LTBP1: variants seen among roughly 807,000 people sequenced by gnomAD.
LTBP1 encodes the protein latent transforming growth factor beta binding protein 1.
Under a neutral mutation model 207.6 loss-of-function variants are expected in LTBP1, and 129 were observed. The ratio of observed to expected loss-of-function variants is 0.62; its 90% CI spans 0.54 to 0.72. The LOEUF (loss-of-function observed/expected upper bound fraction) is 0.72. Ranked by LOEUF, LTBP1 falls within the 30% of genes least tolerant of loss-of-function variation. LTBP1 has a pLI of 0.00. For missense variants in LTBP1, 2,281 were observed against 2,217.2 expected (o/e 1.03, Z -0.58); for synonymous variants, 963 against 833.7 (o/e 1.16, Z -2.67).
rs11686962 is a variant in LTBP1 at position 33,257,519 on chromosome 2, C to T, written c.2395+8C>T. 149,013 of 1,608,082 alleles carry T rather than the reference C, an allele frequency of 0.093. 8,162 individuals are homozygous for T. The highest frequency in any genetic ancestry group is 0.24 in the African/African-American group (18,219 of 74,904). ...GAGTGGCGGAGCCAGAAGGTGAGAG[C>T]GGTAATGGATCATGGACTCTAGACA... On this transcript the variant is annotated splice_region_variant and intron_variant, in intron 12 of 33. Coordinates refer to ENST00000404816, the MANE Select transcript of LTBP1 (RefSeq NM_206943.4).
intron 32 of LTBP1, among the ~76,000 whole-genome samples, chr2:33,393,291 T>C (rs2095331830): frequency 6.7e-5 from 10 of 149,832 alleles, no homozygotes; most frequent in Admixed American, 6.7e-4. Flanking sequence ...AAGTTCTTTT[T>C]TTAAATTTTT....
chr2:33,250,029 C>T (rs963855373), intron 10 of LTBP1, among the ~76,000 whole-genome samples: 9 of 152,142 alleles, frequency 5.9e-5, no homozygotes, highest in Admixed American at 5.9e-4. Flanking sequence ...ATCTTCCAGT[C>T]TGAGGTTAAA....
At position 33,065,870 on chromosome 2, in the gene LTBP1, G is replaced by A. The variant is rs535320639; in HGVS notation, c.863+44664G>A. 2.2e-4 allele frequency among the ~76,000 whole-genome samples: 34 copies of A among 152,134 alleles called. No individual in the cohort carries two copies. In the East Asian group the frequency reaches 5.4e-3, roughly 24 times the overall value. On this transcript the variant is annotated intron_variant, in intron 3 of 33. Coordinates refer to ENST00000404816, the MANE Select transcript of LTBP1 (RefSeq NM_206943.4). ...GAAAGTTTTTGAAAAAATTCACTTC[G>A]CTAGATATAGGATTATTTATATTTT... is the stretch of plus-strand genomic sequence containing the variant.
At chr2:33,072,148 G>A (rs1449697948) in intron 3 of LTBP1, among the ~76,000 whole-genome samples, 1 of 152,140 alleles carries the variant, frequency 6.6e-6, no homozygotes, top group African/African-American at 2.4e-5. Flanking sequence ...TTGCTAGAGC[G>A]GCTCACAGAA....
chr2:33,000,148 T>C (rs1474808624), intron 2 of LTBP1, among the ~76,000 whole-genome samples: 3 of 135,512 alleles, frequency 2.2e-5, no homozygotes, highest in African/African-American at 7.7e-5. Context: ...GTGATCTGGC[T>C]GATTCTCAGA....
At chr2:33,363,266 G>T (rs1335625168) in intron 28 of LTBP1, 124 bp from the exon 29 acceptor site, 3 of 929,988 alleles carry the variant, frequency 3.2e-6, no homozygotes, top group African/African-American at 3.3e-5. Context: ...TGCTGTTTGT[G>T]TAGGATTCTT....
chr2:33,089,255 A>G (rs17012521), intron 3 of LTBP1, among the ~76,000 whole-genome samples: 2,365 of 152,266 alleles, frequency 0.016, 59 homozygotes, highest in African/African-American at 0.053. Context: ...GGGACAAAAT[A>G]TGAGATTGGA....
At chr2:33,280,817 C>G (rs942350435) in intron 19 of LTBP1, among the ~76,000 whole-genome samples, 2 of 152,096 alleles carry the variant, frequency 1.3e-5, no homozygotes, top group African/African-American at 4.8e-5. Context: ...GCCTGTAATC[C>G]CAGAACTTTG....
At chr2:33,378,183 ATATGTGTGTGTGTGTGTGTG>A (rs2095166483) in intron 31 of LTBP1, among the ~76,000 whole-genome samples, 1 of 136,362 alleles carries the variant, frequency 7.3e-6, no homozygotes, top group African/African-American at 3.0e-5. Context: ...ATATATATAT[ATATGTGTGTGTGTGTGTGTG>A]TGTGTGTGTG....
At chr2:33,183,066 G>A (rs1421588691) in intron 5 of LTBP1, among the ~76,000 whole-genome samples, 6 of 152,232 alleles carry the variant, frequency 3.9e-5, no homozygotes, top group Admixed American at 3.9e-4. Context: ...ATGATATAGA[G>A]TATTTCTTTT....
intron 3 of LTBP1, among the ~76,000 whole-genome samples, chr2:33,084,936 C>T (rs538937513): frequency 6.6e-6 from 1 of 152,312 alleles, no homozygotes; most frequent in Admixed American, 6.5e-5. Flanking sequence ...AAAGATATGT[C>T]CACATCTTAA....
chr2:32,979,981 G>A (rs1682506285), intron 2 of LTBP1, among the ~76,000 whole-genome samples: 1 of 152,020 alleles, frequency 6.6e-6, no homozygotes. Flanking sequence ...TCTGATACAA[G>A]TATAACTATT....
chr2:33,193,718 G>T (rs1358369881), intron 7 of LTBP1, among the ~76,000 whole-genome samples: 1 of 152,126 alleles, frequency 6.6e-6, no homozygotes, highest in African/African-American at 2.4e-5. Flanking sequence ...CTGTTATGGT[G>T]ATGTGTGATA....
intron 24 of LTBP1, among the ~76,000 whole-genome samples, chr2:33,322,981 A>T (rs2094377879): frequency 6.6e-6 from 1 of 152,166 alleles, no homozygotes; most frequent in Non-Finnish European, 1.5e-5. Context: ...CTTTAAGGCC[A>T]GTGAGATCGG....
chr2:33,316,983 T>A (rs1461345015), intron 24 of LTBP1, among the ~76,000 whole-genome samples: 1 of 152,124 alleles, frequency 6.6e-6, no homozygotes, highest in African/African-American at 2.4e-5. Context: ...GAAAAAAAAA[T>A]AAGTGACCTC....
At chr2:33,210,350 A>G (rs1016302039) in intron 7 of LTBP1, among the ~76,000 whole-genome samples, 3 of 152,172 alleles carry the variant, frequency 2.0e-5, no homozygotes, top group Non-Finnish European at 2.9e-5. Context: ...TATCTCCAGT[A>G]TAGTTTCTTC....
chr2:32,981,995 G>C (rs1682838315), intron 2 of LTBP1, among the ~76,000 whole-genome samples: 1 of 152,210 alleles, frequency 6.6e-6, no homozygotes, highest in African/African-American at 2.4e-5. Flanking sequence ...CTGCTCTAAA[G>C]ATACCCGAAA....
At chr2:33,181,252 G>A (rs2086602968) in intron 5 of LTBP1, among the ~76,000 whole-genome samples, 1 of 152,194 alleles carries the variant, frequency 6.6e-6, no homozygotes, top group Non-Finnish European at 1.5e-5. Context: ...CCTTTTTATG[G>A]TATAAATTTT....
rs370175609 is a variant in LTBP1 at position 33,040,308 on chromosome 2, C to T, written c.863+19102C>T. Among the ~76,000 whole-genome samples the T allele has an allele frequency of 6.5e-4, 99 of 152,304 alleles. No individual in the cohort carries two copies. In the South Asian group the frequency reaches 0.013, roughly 21 times the overall value. On this transcript the variant is annotated intron_variant, in intron 3 of 33. Coordinates refer to ENST00000404816, the MANE Select transcript of LTBP1 (RefSeq NM_206943.4). ...TATGAGAAACTCAAGCTCCTGAGAG[C>T]GCTGTCTGCCAACACACATGACGAT...
Sources: allele counts gnomAD v4.1 joint callset (sites outside exome capture counted in the v4.1 genomes callset), GRCh38; gene constraint gnomAD v4.1.1; transcripts MANE v1.5; gene names NCBI Gene and HGNC (gene_info 2026-07-23, HGNC 2026-07-21).